The following CRACR2B variants were observed in gnomAD, a reference collection of about 807,000 sequenced individuals.
CRACR2B encodes EF-hand calcium-binding domain-containing protein 4A.
CRACR2B carries 50 observed loss-of-function variants against 46.0 expected under a neutral mutation model. That is an observed-to-expected ratio of 1.09 (90% CI 0.87 to 1.38). CRACR2B has a LOEUF of 1.38. Among genes scored for constraint, CRACR2B ranks in the 40% most tolerant of loss-of-function variants. The pLI is 0.00. For synonymous variants in CRACR2B, 277 were observed against 239.6 expected (o/e 1.16, Z -1.44); for missense variants, 667 against 535.0 (o/e 1.25, Z -2.43).
In CRACR2B at chr11:830,729, C is replaced by G. The variant is rs1846340879; in HGVS notation, c.786+16C>G. The G allele has an allele frequency of 4.0e-6, 6 of 1,518,074 alleles. No homozygotes were observed. The highest frequency in any genetic ancestry group is 5.3e-6 in the Non-Finnish European group (6 of 1,134,788). The allele number at this position is 1,518,074 out of a possible 1,614,324, so 94.0% of individuals were successfully genotyped here. On this transcript the variant is annotated intron_variant, in intron 6 of 8. Coordinates refer to ENST00000525077, the MANE Select transcript of CRACR2B (RefSeq NM_001286606.2). ...GCAGCGGGAGGTGAGCACCCGGCCC[C>G]TGCCCTGTCCCCACGGTCACCCGTG...
upstream of CRACR2B, chr11:827,206 C>A (rs538815295): frequency 6.6e-6 from 1 of 152,204 alleles, no homozygotes; most frequent in East Asian, 1.9e-4. Context: ...AGGGGTCGCT[C>A]GGGGCCCAGT....
rs35567200 is a variant in CRACR2B, at chr11:830,044, G to A, written c.517G>A (p.Gly173Ser). 67,783 of 1,566,736 alleles carry A rather than the reference G, an allele frequency of 0.043. 1,679 individuals carry two copies. Among genetic ancestry groups the A allele is most frequent in the Middle Eastern group, 0.061 (369 of 6,014 alleles). Residue 173 changes from glycine (G) to serine (S), a missense_variant, in exon 4 of 9, where the codon GGC (glycine) becomes AGC (serine). Gly to Ser is a moderately conservative substitution (Grantham distance 56, BLOSUM62 0). Transcript: ENST00000525077. Reference protein sequence around the residue: ...RLQRERPELLGSFEDVLIRAS... With the variant: ...RLQRERPELLSSFEDVLIRAS... Reference sequence around the variant, plus strand: ...GCAGCGCGAGCGCCCCGAGCTGCTGGGCTCTTTCGAGGATGTTCTGATACG... The same window carrying A: ...GCAGCGCGAGCGCCCCGAGCTGCTGAGCTCTTTCGAGGATGTTCTGATACG...
intron 6 of CRACR2B, 52 bp downstream of exon 6, chr11:830,765 C>A: frequency 6.7e-7 from 1 of 1,489,982 alleles, no homozygotes; most frequent in Non-Finnish European, 8.9e-7. Flanking sequence ...CACTCTCCCC[C>A]TGTGCCTTAG....
intron 3 of CRACR2B, chr11:829,744 G>C (rs1846233939): frequency 2.0e-6 from 2 of 1,004,594 alleles, no homozygotes; most frequent in East Asian, 5.5e-5. Flanking sequence ...AGCCAGGGCT[G>C]CAGGGAGGAG....
rs369732603 is a variant in CRACR2B, at chr11:829,434, G to T, written c.352G>T (p.Gly118Trp). The T allele has an allele frequency of 7.5e-6, 12 of 1,610,008 alleles. No individual in the cohort carries two copies. The African/African-American group carries it at 1.6e-4, about 22-fold the overall frequency. ...RTPEETFESG[G>W]LDVQGTAGSL... ...TCCCGAGGAGACCTTTGAGTCGGGC[G>T]GGCTCGACGTGCAGGGCACGGCGGG... Residue 118 changes from glycine (G) to tryptophan (W), a missense_variant, in exon 3 of 9, where the codon GGG becomes TGG. Physicochemically the swap from Gly to Trp is radical, Grantham distance 184. Transcript: ENST00000525077.
chr11:831,334 C>T (rs1229124076), intron 8 of CRACR2B, 39 bp downstream of exon 8: 3 of 1,573,936 alleles, frequency 1.9e-6, no homozygotes, highest in Non-Finnish European at 2.6e-6. Flanking sequence ...ATGGGCTCAG[C>T]GGAGCTTGGG....
chr11:828,538 C>G lies in CRACR2B; in HGVS notation c.-70C>G, dbSNP rs889670873. On this transcript the variant is annotated 5_prime_UTR_variant, in exon 1 of 9. Coordinates refer to ENST00000525077, the MANE Select transcript of CRACR2B (RefSeq NM_001286606.2). ...ACACACTTGCACCCCATCCGCTCCC[C>G]TCCTGAATTTCTTCTGACCCTCCCT... 1.3e-6 allele frequency: 2 copies of G among 1,488,032 alleles called. No individual in the cohort carries two copies. Among genetic ancestry groups the G allele is most frequent in the Non-Finnish European group, 1.8e-6 (2 of 1,125,936 alleles). The allele number at this position is 1,488,032 out of a possible 1,614,324, so 92.2% of individuals were successfully genotyped here.
At chr11:827,766 T>TG, upstream of CRACR2B, 1 of 153,722 alleles carries the variant, frequency 6.5e-6, no homozygotes. Flanking sequence ...AGCTCCCCGG[T>TG]GGGGGAAGGC....
Position 828,526 on chromosome 11 carries a change from C to A in CRACR2B, c.-82C>A. On this transcript the variant is annotated 5_prime_UTR_variant, in exon 1 of 9. Transcript: ENST00000525077. ...CTGAGCCTTCAGACACACTTGCACC[C>A]CATCCGCTCCCCTCCTGAATTTCTT... 6.9e-7 allele frequency: 1 copy of A among 1,448,808 alleles called. No homozygotes were observed. The highest frequency in any genetic ancestry group is 1.4e-5 in the South Asian group (1 of 70,080). The allele number at this position is 1,448,808 out of a possible 1,614,324, so 89.7% of individuals were successfully genotyped here.
At chr11:830,762 C>A in intron 6 of CRACR2B, 49 bp downstream of exon 6, 1 of 1,490,738 alleles carries the variant, frequency 6.7e-7, no homozygotes, top group Non-Finnish European at 8.9e-7. Context: ...GTGCACTCTC[C>A]CCCTGTGCCT....
Position 831,731 on chromosome 11 carries a change from A to G in CRACR2B, c.*22A>G. The G allele has an allele frequency of 6.7e-7, 1 of 1,483,748 alleles. No individual in the cohort carries two copies. Among genetic ancestry groups the G allele is most frequent in the Non-Finnish European group, 8.9e-7 (1 of 1,127,976 alleles). The allele number at this position is 1,483,748 out of a possible 1,614,324, so 91.9% of individuals were successfully genotyped here. On this transcript the variant is annotated 3_prime_UTR_variant, in exon 9 of 9. Transcript: ENST00000525077. ...GTGACCAGCCCCGAGTGACTCACGG[A>G]CCATGAGCTAGAAGCTGCCCTTGCA...
Position 830,339 on chromosome 11 carries a change from T to G in CRACR2B, c.693+2T>G, listed in dbSNP as rs1342098616. ...CAGAGCCGGCGCCCGCCGAGTCAGG[T>G]GGGCCTCGGGCCCCGCCCCTCCCGC... On this transcript the variant is annotated splice_donor_variant, in intron 5 of 8. Transcript: ENST00000525077. LOFTEE classifies it high-confidence loss of function. 5 of 1,535,132 alleles carry G rather than the reference T, an allele frequency of 3.3e-6. No individual in the cohort carries two copies. Among genetic ancestry groups the G allele is most frequent in the Admixed American group, 2.0e-5 (1 of 50,900 alleles).
At position 828,672 on chromosome 11, in the gene CRACR2B, G is replaced by T. The variant is rs904439343; in HGVS notation, c.65G>T (p.Gly22Val). 1 of 1,609,580 alleles carries T rather than the reference G, an allele frequency of 6.2e-7. No individual in the cohort carries two copies. Among genetic ancestry groups the T allele is most frequent in the Admixed American group, 1.7e-5 (1 of 58,620 alleles). The change falls in exon 1 of 9, where the codon GGC becomes GTC. Residue 22 changes from glycine (G) to valine (V), a missense_variant. Coordinates refer to ENST00000525077, the MANE Select transcript of CRACR2B (RefSeq NM_001286606.2). ...AQEEEGELEG[G>V]SAGPRAAILE... ...GAGGAGGAGGGGGAACTCGAGGGGGGCTCTGCAGGGCCGCGGGCTGCAATA... is the reference window on the plus strand; with the variant it reads ...GAGGAGGAGGGGGAACTCGAGGGGGTCTCTGCAGGGCCGCGGGCTGCAATA...
upstream of CRACR2B, chr11:827,561 C>A (rs546607735): frequency 7.1e-5 from 70 of 984,856 alleles, no homozygotes; most frequent in African/African-American, 1.1e-3. Flanking sequence ...TGCTGCCGCG[C>A]GGCTTCCGGC....
At chr11:830,464 C>A (rs533498453) in intron 5 of CRACR2B, 127 bp downstream of exon 5, 4 of 1,536,230 alleles carry the variant, frequency 2.6e-6, no homozygotes, top group Non-Finnish European at 3.5e-6. Context: ...GCCCTCAGCC[C>A]GAGGAGATCC....
chr11:828,786 C>T lies in CRACR2B; in HGVS notation c.165+14C>T, dbSNP rs768727022. On this transcript the variant is annotated intron_variant, in intron 1 of 8. Coordinates refer to ENST00000525077, the MANE Select transcript of CRACR2B (RefSeq NM_001286606.2). ...CACGACCTGCAGGTGAGTCCCCCAC[C>T]CCAAGAGACTGCTTCGGCCCTGGGT... The T allele has an allele frequency of 1.9e-6, 3 of 1,612,664 alleles. No individual in the cohort carries two copies. Among genetic ancestry groups the T allele is most frequent in the South Asian group, 2.2e-5 (2 of 91,064 alleles).
intron 7 of CRACR2B, 83 bp downstream of exon 7, chr11:831,115 T>C: frequency 6.4e-7 from 1 of 1,569,720 alleles, no homozygotes; most frequent in Non-Finnish European, 8.6e-7. Context: ...GCCACTTTCA[T>C]CCCCATCTCA....
rs1340437925 is a variant in CRACR2B at position 830,196 on chromosome 11, CA to C, written c.606-53del. The C allele has an allele frequency of 4.8e-5, 71 of 1,493,884 alleles. 1 individual carries two copies. In the East Asian group the frequency reaches 1.1e-3, roughly 23 times the overall value. The allele number at this position is 1,493,884 out of a possible 1,614,324, so 92.5% of individuals were successfully genotyped here. A position where few individuals can be genotyped will look rare whatever the true frequency, so the allele number is the denominator to read the frequency against. ...CTCAGGGCAGCAGCAGAGGCGGTGC[CA>C]GGGGGCTGTAGCGCTGGCAAGTTCT... is the stretch of plus-strand genomic sequence containing the variant. On this transcript the variant is annotated intron_variant, in intron 4 of 8. Transcript: ENST00000525077.
chr11:830,055 G>A lies in CRACR2B; in HGVS notation c.528G>A (p.Glu176=). Residue 176 remains glutamate (E), a synonymous_variant, in exon 4 of 9, where the codon GAG becomes GAA. Coordinates refer to ENST00000525077, the MANE Select transcript of CRACR2B (RefSeq NM_001286606.2). ...GCCCCGAGCTGCTGGGCTCTTTCGAGGATGTTCTGATACGCGCGTCGGCCT... is the reference window on the plus strand; with the variant it reads ...GCCCCGAGCTGCTGGGCTCTTTCGAAGATGTTCTGATACGCGCGTCGGCCT... ...RERPELLGSF[E]DVLIRASACL... 1.3e-6 allele frequency: 2 copies of A among 1,563,172 alleles called. No homozygotes were observed. Among genetic ancestry groups the A allele is most frequent in the South Asian group, 2.3e-5 (2 of 86,562 alleles).
Sources: allele counts gnomAD v4.1 joint callset, GRCh38; gene constraint gnomAD v4.1.1; transcripts MANE v1.5; gene names NCBI Gene and HGNC (gene_info 2026-07-23, HGNC 2026-07-21).